The following STAU2 variants were observed in gnomAD, a reference collection of about 807,000 sequenced individuals.
The protein encoded by STAU2 is double-stranded RNA-binding protein Staufen homolog 2.
Under a neutral mutation model 65.9 loss-of-function variants are expected in STAU2, and 20 were observed. That is an observed-to-expected ratio of 0.30 (90% CI 0.21 to 0.44). STAU2 has a LOEUF of 0.44. Among genes scored for constraint, STAU2 ranks in the 20% least tolerant of loss-of-function variants. The probability of loss-of-function intolerance (pLI) is 1.00; values close to 1 mark genes in which losing one functional copy is unlikely to be tolerated. For missense variants in STAU2, 558 were observed against 683.9 expected (o/e 0.82, Z 2.05); for synonymous variants, 232 against 233.9 (o/e 0.99, Z 0.07).
At chr8:73,488,511 C>T (rs890410981) in intron 13 of STAU2, among the ~76,000 whole-genome samples, 1 of 151,870 alleles carries the variant, frequency 6.6e-6, no homozygotes, top group African/African-American at 2.4e-5. Context: ...TTAAAAATCA[C>T]CTTGAGGTTA....
chr8:73,642,721 AG>A (rs1284037301), intron 6 of STAU2, among the ~76,000 whole-genome samples: 1 of 152,186 alleles, frequency 6.6e-6, no homozygotes, highest in African/African-American at 2.4e-5. Context: ...AAAGCAAGGC[AG>A]GGGCCTGGGG....
chr8:73,607,594 G>A lies in STAU2; in HGVS notation c.892-3731C>T, dbSNP rs1450496962. ...AAAAAAAACATACAAAAAATTAGCC[G>A]GGCATGGTGGCACATGTCTGTAATC... On this transcript the variant is annotated intron_variant, in intron 9 of 14. Transcript: ENST00000524300. Among the ~76,000 whole-genome samples the A allele has an allele frequency of 7.3e-5, 11 of 151,708 alleles. No individual in the cohort carries two copies. The South Asian group carries it at 1.0e-3, about 14-fold the overall frequency.
intron 13 of STAU2, among the ~76,000 whole-genome samples, chr8:73,496,486 C>T (rs1314414074): frequency 1.3e-5 from 2 of 151,466 alleles, no homozygotes; most frequent in East Asian, 3.9e-4. Flanking sequence ...ATCAGCTCTG[C>T]CATTTATAAG....
intron 13 of STAU2, among the ~76,000 whole-genome samples, chr8:73,512,501 T>C (rs1329164630): frequency 6.6e-6 from 1 of 152,238 alleles, no homozygotes; most frequent in Non-Finnish European, 1.5e-5. Flanking sequence ...TTATTCTTTT[T>C]GATGCTACTG....
intron 9 of STAU2, among the ~76,000 whole-genome samples, chr8:73,605,101 T>C (rs567205973): frequency 4.3e-4 from 66 of 152,170 alleles, no homozygotes; most frequent in Non-Finnish European, 8.4e-4. Flanking sequence ...GCTACATGCA[T>C]CAAGATGAAT....
chr8:73,480,667 G>A (rs771719270), intron 13 of STAU2, among the ~76,000 whole-genome samples: 4 of 152,134 alleles, frequency 2.6e-5, no homozygotes, highest in Non-Finnish European at 4.4e-5. Flanking sequence ...TAATGCCTGT[G>A]AGAGACTGTA....
intron 13 of STAU2, among the ~76,000 whole-genome samples, chr8:73,491,264 T>G (rs1821140842): frequency 6.6e-6 from 1 of 152,034 alleles, no homozygotes; most frequent in Non-Finnish European, 1.5e-5. Flanking sequence ...GGAGACATCC[T>G]GCTGAATTAA....
chr8:73,627,425 G>A (rs772663280), intron 6 of STAU2, among the ~76,000 whole-genome samples: 1 of 152,088 alleles, frequency 6.6e-6, no homozygotes, highest in Non-Finnish European at 1.5e-5. Context: ...TACAGATTGA[G>A]AAGGGCCTCG....
chr8:73,447,282 G>T (rs187895512), intron 13 of STAU2, among the ~76,000 whole-genome samples: 12 of 152,236 alleles, frequency 7.9e-5, no homozygotes, highest in Non-Finnish European at 1.2e-4. Context: ...TGGACTTTTG[G>T]TTTTTTCCTC....
At chr8:73,606,454 C>T (rs190238867) in intron 9 of STAU2, among the ~76,000 whole-genome samples, 49 of 152,190 alleles carry the variant, frequency 3.2e-4, no homozygotes, top group African/African-American at 1.1e-3. Flanking sequence ...ATAAACACTT[C>T]ATCAGGCCTC....
chr8:73,448,298 C>CTTTT (rs112124026), intron 13 of STAU2, among the ~76,000 whole-genome samples: 57 of 149,806 alleles, frequency 3.8e-4, no homozygotes, highest in African/African-American at 9.0e-4. Context: ...AGATACAAGT[C>CTTTT]TTTTTTTTTT....
At chr8:73,594,698 A>C (rs6983296) in intron 11 of STAU2, among the ~76,000 whole-genome samples, 27,898 of 152,128 alleles carry the variant, frequency 0.18, 2,806 homozygotes, top group African/African-American at 0.27. Context: ...AAAATAAACA[A>C]CCTATGAGTT....
chr8:73,740,986 CAG>C (rs1806817500), intron 1 of STAU2, among the ~76,000 whole-genome samples: 1 of 137,158 alleles, frequency 7.3e-6, no homozygotes, highest in South Asian at 2.3e-4. Flanking sequence ...GTCCAGGTGA[CAG>C]AGCAAGACTT....
chr8:73,682,448 C>G (rs1818499817), intron 5 of STAU2, among the ~76,000 whole-genome samples: 1 of 151,790 alleles, frequency 6.6e-6, no homozygotes, highest in Admixed American at 6.6e-5. Context: ...CACAACTTAT[C>G]AAAACCTCTG....
chr8:73,548,457 TAAAAG>T (rs1807091320), intron 13 of STAU2, among the ~76,000 whole-genome samples: 1 of 151,966 alleles, frequency 6.6e-6, no homozygotes, highest in Admixed American at 6.6e-5. Context: ...AATAAATACT[TAAAAG>T]AAGCCTGTGG....
intron 11 of STAU2, among the ~76,000 whole-genome samples, chr8:73,591,946 A>C (rs1810848360): frequency 6.7e-6 from 1 of 149,872 alleles, no homozygotes; most frequent in Admixed American, 6.6e-5. Context: ...CCAACTTGTC[A>C]AAATGTGTAG....
chr8:73,554,898 C>T (rs1807607384), intron 12 of STAU2, among the ~76,000 whole-genome samples: 1 of 152,182 alleles, frequency 6.6e-6, no homozygotes. Flanking sequence ...TCCAGTTACA[C>T]AGATATATCC....
intron 13 of STAU2, among the ~76,000 whole-genome samples, chr8:73,431,647 C>T (rs1457749389): frequency 6.6e-6 from 1 of 152,170 alleles, no homozygotes; most frequent in African/African-American, 2.4e-5. Flanking sequence ...GTGTCTCTAC[C>T]ATTTCATGTA....
chr8:73,641,262 G>A lies in STAU2; in HGVS notation c.411-23811C>T, dbSNP rs553314330. On this transcript the variant is annotated intron_variant, in intron 6 of 14. Transcript: ENST00000524300. ...ATTAACGAGCTACTAGGGAGGCTGA[G>A]GTGGGAGGATGGCTTGACCCCAGAA... Among the ~76,000 whole-genome samples, 8 of 152,226 alleles carry A rather than the reference G, an allele frequency of 5.3e-5. No individual in the cohort carries two copies. In the South Asian group the frequency reaches 1.7e-3, roughly 32 times the overall value.
Sources: gnomAD v4.1 joint callset for allele counts (sites outside exome capture counted in the v4.1 genomes callset) on GRCh38, gnomAD v4.1.1 for gene constraint, MANE v1.5 for transcripts, NCBI Gene and HGNC (gene_info 2026-07-23, HGNC 2026-07-21) for gene names.